The following KRIT1 variants were observed in gnomAD, a reference collection of about 807,000 sequenced individuals.
The protein encoded by KRIT1 is KRIT1 ankyrin repeat containing.
Under a neutral mutation model 95.8 loss-of-function variants are expected in KRIT1, and 45 were observed. That is an observed-to-expected ratio of 0.47 (90% CI 0.37 to 0.60). KRIT1 has a LOEUF of 0.60. KRIT1 is among the 20% of genes least tolerant of loss of function. KRIT1 has a pLI of 0.00. For synonymous variants in KRIT1, 282 were observed against 278.8 expected (o/e 1.01, Z -0.11); for missense variants, 788 against 877.5 (o/e 0.90, Z 1.29).
intron 2 of KRIT1, among the ~76,000 whole-genome samples, chr7:92,244,536 T>C (rs1448548968): frequency 6.6e-5 from 10 of 152,256 alleles, no homozygotes; most frequent in Non-Finnish European, 1.3e-4. Flanking sequence ...GAACTATTCG[T>C]ACTTGACTAC....
Position 92,234,506 on chromosome 7 carries a change from C to T in KRIT1, c.932G>A (p.Arg311Lys), listed in dbSNP as rs775080367. The T allele has an allele frequency of 6.2e-7, 1 of 1,611,776 alleles. No individual in the cohort carries two copies. The highest frequency in any genetic ancestry group is 1.1e-5 in the South Asian group (1 of 91,032). The change falls in exon 10 of 19, where the codon AGA (arginine) becomes AAA (lysine). Residue 311 changes from arginine (R) to lysine (K), a missense_variant. Arg to Lys is a conservative substitution (Grantham distance 26). Around this residue, in one of 3 missense-constraint regions of KRIT1, gnomAD observed 493 missense variants for 582.3 expected, o/e 0.85. Coordinates refer to ENST00000394505, the MANE Select transcript of KRIT1 (RefSeq NM_194454.3). ...SELLSRLLSE[R>K]FSVNQLDSDH... Reference sequence around the variant, plus strand: ...ACTATCTAACTGGTTGACTGAAAATCTTTCACTGAGAAGACGGCTTAGTAA... The same window carrying T: ...ACTATCTAACTGGTTGACTGAAAATTTTTCACTGAGAAGACGGCTTAGTAA...
chr7:92,241,884 C>T (rs531448809), intron 4 of KRIT1, 150 bp downstream of exon 4: 12 of 571,574 alleles, frequency 2.1e-5, no homozygotes, highest in East Asian at 1.2e-4. Context: ...TCAAAAGGCA[C>T]GTGGCAGAAA....
chr7:92,225,647 C>A (rs1404210069), intron 12 of KRIT1, 73 bp downstream of exon 12: 1 of 891,818 alleles, frequency 1.1e-6, no homozygotes, highest in African/African-American at 1.7e-5. Flanking sequence ...TCCACTCTTG[C>A]CACAGATCCT....
intron 10 of KRIT1, 133 bp downstream of exon 10, chr7:92,234,316 A>G: frequency 4.0e-6 from 3 of 743,392 alleles, no homozygotes; most frequent in South Asian, 3.5e-5. Context: ...ATCTAAGATC[A>G]AAACAGAAAA....
At position 92,234,540 on chromosome 7, in the gene KRIT1, C is replaced by A. The variant is rs1326470961; in HGVS notation, c.898G>T (p.Asp300Tyr). ...AGAAGACGGCTTAGTAATTCTGAAT[C>A]TCCTTCACAGGCGCTTCGGTGGAGA... ...FPLHRSACEG[D>Y]SELLSRLLSE... The change falls in exon 10 of 19, where the codon GAT becomes TAT. Residue 300 changes from aspartate (D) to tyrosine (Y), a missense_variant. Physicochemically the swap from Asp to Tyr is radical, Grantham distance 160. Around this residue, in one of 3 missense-constraint regions of KRIT1, gnomAD observed 493 missense variants for 582.3 expected, o/e 0.85. Coordinates refer to ENST00000394505, the MANE Select transcript of KRIT1 (RefSeq NM_194454.3). The A allele has an allele frequency of 6.2e-7, 1 of 1,613,116 alleles. No homozygotes were observed. The highest frequency in any genetic ancestry group is 8.5e-7 in the Non-Finnish European group (1 of 1,179,068).
chr7:92,219,744 G>A lies in KRIT1; in HGVS notation c.1563+2158C>T, dbSNP rs144383955. ...ACTTTGCTAGTAGTGACATCTTAACGATGCTAACTATTCCTATCATTGAAC... is the reference window on the plus strand; with the variant it reads ...ACTTTGCTAGTAGTGACATCTTAACAATGCTAACTATTCCTATCATTGAAC... On this transcript the variant is annotated intron_variant, in intron 14 of 18. Coordinates refer to ENST00000394505, the MANE Select transcript of KRIT1 (RefSeq NM_194454.3). Among the ~76,000 whole-genome samples, 17 of 152,290 alleles carry A rather than the reference G, an allele frequency of 1.1e-4. No homozygotes were observed. The East Asian group carries it at 3.3e-3, about 29-fold the overall frequency.
intron 3 of KRIT1, among the ~76,000 whole-genome samples, chr7:92,242,813 A>T (rs1037310025): frequency 5.3e-5 from 8 of 151,896 alleles, no homozygotes; most frequent in African/African-American, 1.9e-4. Context: ...TGATAATCCA[A>T]ATTTTTGTTT....
chr7:92,236,436 T>C lies in KRIT1; in HGVS notation c.462A>G (p.Ala154=). ...ESSTHFATLT[A]RMLIALDKWL... ...ACTTATCCAAGGCTATTAACATCCTTGCTGTAAGTGTAGCAAAATGAGTAC... is the reference window on the plus strand; with the variant it reads ...ACTTATCCAAGGCTATTAACATCCTCGCTGTAAGTGTAGCAAAATGAGTAC... Residue 154 remains alanine (A), a synonymous_variant, in exon 7 of 19, where the codon GCA becomes GCG. Transcript: ENST00000394505. The C allele has an allele frequency of 1.2e-6, 2 of 1,605,120 alleles. No individual in the cohort carries two copies. Among genetic ancestry groups the C allele is most frequent in the East Asian group, 2.2e-5 (1 of 44,748 alleles).
intron 17 of KRIT1, chr7:92,204,068 C>T (rs1790819196): frequency 6.6e-6 from 1 of 151,566 alleles, no homozygotes; most frequent in Admixed American, 6.6e-5. Context: ...TGAGACCAGC[C>T]TGGGCAACAA....
In KRIT1 at chr7:92,234,433, T is replaced by C. The variant is rs781184775; in HGVS notation, c.989+16A>G. The C allele has an allele frequency of 2.6e-6, 4 of 1,564,834 alleles. No individual in the cohort carries two copies. The highest frequency in any genetic ancestry group is 3.5e-6 in the Non-Finnish European group (4 of 1,135,372). ...TGTATTCTTTCTAAAAAGAAAAGAATAAATATTCCATTTACCAGCATGCAT... is the reference window on the plus strand; with the variant it reads ...TGTATTCTTTCTAAAAAGAAAAGAACAAATATTCCATTTACCAGCATGCAT... On this transcript the variant is annotated intron_variant, in intron 10 of 18. Coordinates refer to ENST00000394505, the MANE Select transcript of KRIT1 (RefSeq NM_194454.3).
intron 14 of KRIT1, among the ~76,000 whole-genome samples, chr7:92,219,004 A>T (rs556137708): frequency 6.6e-6 from 1 of 151,788 alleles, no homozygotes; most frequent in Non-Finnish European, 1.5e-5. Flanking sequence ...TTTTATTTTT[A>T]TTATTATAAT....
chr7:92,228,237 CAAAG>C (rs1256799162), intron 10 of KRIT1, among the ~76,000 whole-genome samples: 51 of 152,294 alleles, frequency 3.3e-4, no homozygotes, highest in African/African-American at 1.1e-3. Flanking sequence ...AAGGAGTAAG[CAAAG>C]GTCTCAGAAG....
At chr7:92,213,161 T>A in intron 17 of KRIT1, 34 bp downstream of exon 17, 1 of 1,423,220 alleles carries the variant, frequency 7.0e-7, no homozygotes, top group East Asian at 2.3e-5. Context: ...AACTATTATA[T>A]GACATGATTG....
At chr7:92,229,340 T>C (rs2131570543) in intron 10 of KRIT1, among the ~76,000 whole-genome samples, 1 of 152,310 alleles carries the variant, frequency 6.6e-6, no homozygotes, top group East Asian at 1.9e-4. Flanking sequence ...CAAAAGAAAC[T>C]ATCAACAGAG....
At position 92,242,084 on chromosome 7, in the gene KRIT1, T is replaced by C. The variant is rs1281022025; in HGVS notation, c.52A>G (p.Lys18Glu). Reference sequence around the variant, plus strand: ...CGAGAATTGAGACTGGCAGTATTCTTTGGACGAATAACAGCAACATATGCA... The same window carrying C: ...CGAGAATTGAGACTGGCAGTATTCTCTGGACGAATAACAGCAACATATGCA... ...EDAYVAVIRP[K>E]NTASLNSREY... is the part of the protein sequence containing the mutation. Residue 18 changes from lysine (K) to glutamate (E), a missense_variant, in exon 4 of 19, where the codon AAG becomes GAG. Transcript: ENST00000394505. 6.2e-7 allele frequency: 1 copy of C among 1,605,118 alleles called. No homozygotes were observed. Among genetic ancestry groups the C allele is most frequent in the South Asian group, 1.1e-5 (1 of 90,826 alleles).
chr7:92,224,278 A>G (rs748386507), intron 12 of KRIT1, among the ~76,000 whole-genome samples: 3 of 152,158 alleles, frequency 2.0e-5, no homozygotes, highest in Non-Finnish European at 2.9e-5. Flanking sequence ...ATTTGTTGGT[A>G]TAAATCTTTT....
At position 92,235,510 on chromosome 7, in the gene KRIT1, T is replaced by C; in HGVS notation, c.622A>G (p.Met208Val). ...ESGQTENSLHMGYSALEIKSK... is the reference protein window; with the variant it reads ...ESGQTENSLHVGYSALEIKSK... ...TTTATTTCTAGTGCACTATAGCCCATATGTAGTGAGTTTTCTGTCTGACCT... is the reference window on the plus strand; with the variant it reads ...TTTATTTCTAGTGCACTATAGCCCACATGTAGTGAGTTTTCTGTCTGACCT... The change falls in exon 8 of 19, where the codon ATG becomes GTG. Residue 208 changes from methionine (M) to valine (V), a missense_variant. This residue lies in a region of KRIT1 where 289 missense variants were observed against 277.5 expected (regional missense o/e 1.04). Coordinates refer to ENST00000394505, the MANE Select transcript of KRIT1 (RefSeq NM_194454.3). The C allele has an allele frequency of 1.9e-6, 3 of 1,613,784 alleles. No individual in the cohort carries two copies. Among genetic ancestry groups the C allele is most frequent in the African/African-American group, 1.3e-5 (1 of 75,038 alleles).
At chr7:92,223,050 C>A (rs766801628) in intron 12 of KRIT1, 72 bp from the exon 13 acceptor site, 19 of 918,328 alleles carry the variant, frequency 2.1e-5, no homozygotes, top group Non-Finnish European at 3.2e-5. Context: ...TACTTTCCTT[C>A]AACTTCATGT....
At chr7:92,220,688 CTTTTTTTTTTTTT>C (rs960417752) in intron 14 of KRIT1, among the ~76,000 whole-genome samples, 2 of 98,994 alleles carry the variant, frequency 2.0e-5, no homozygotes, top group South Asian at 3.7e-4. Flanking sequence ...ATTCATCCTT[CTTTTTTTTTTTTT>C]TTTTTTTTTT....
Sources: allele counts gnomAD v4.1 joint callset (sites outside exome capture counted in the v4.1 genomes callset), GRCh38; gene constraint gnomAD v4.1.1; regional missense constraint gnomAD v4.1.1; transcripts MANE v1.5; gene names NCBI Gene and HGNC (gene_info 2026-07-23, HGNC 2026-07-21).